The following G3BP2 variants were observed in gnomAD, a reference collection of about 807,000 sequenced individuals.
G3BP2 encodes the protein ras GTPase-activating protein-binding protein 2.
A neutral mutation model predicts 56.7 loss-of-function variants in G3BP2; 11 were observed. That is an observed-to-expected ratio of 0.19 (90% CI 0.12 to 0.32). The LOEUF (loss-of-function observed/expected upper bound fraction) is 0.32, where lower values mean the gene tolerates loss of function less well. G3BP2 is among the 10% of genes least tolerant of loss of function. G3BP2 has a pLI of 1.00. For synonymous variants in G3BP2, 165 were observed against 191.6 expected (o/e 0.86, Z 1.15); for missense variants, 340 against 610.9 (o/e 0.56, Z 4.67).
chr4:75,698,268 TGAA>T (rs1650240091), intron 3 of G3BP2, among the ~76,000 whole-genome samples: 1 of 152,032 alleles, frequency 6.6e-6, no homozygotes, highest in Admixed American at 6.6e-5. Flanking sequence ...AAGCAGCCAG[TGAA>T]GGAGATATAA....
upstream of G3BP2, among the ~76,000 whole-genome samples, chr4:75,675,509 T>C (rs1339726762): frequency 2.6e-5 from 4 of 152,052 alleles, no homozygotes; most frequent in South Asian, 2.1e-4. Context: ...ACCACTGATA[T>C]AGGCCGGGCG....
At chr4:75,712,686 A>G (rs760370807) in intron 3 of G3BP2, among the ~76,000 whole-genome samples, 1 of 152,212 alleles carries the variant, frequency 6.6e-6, no homozygotes, top group Non-Finnish European at 1.5e-5. Flanking sequence ...ATGAATAGCC[A>G]TTAACCCCAA....
intron 3 of G3BP2, among the ~76,000 whole-genome samples, chr4:75,716,754 A>G (rs1719944220): frequency 1.3e-5 from 2 of 151,940 alleles, no homozygotes; most frequent in Admixed American, 1.3e-4. Flanking sequence ...ATCTCAGGTG[A>G]TCCACCCGCC....
chr4:75,701,703 C>T (rs1431896579), intron 3 of G3BP2, among the ~76,000 whole-genome samples: 2 of 152,202 alleles, frequency 1.3e-5, no homozygotes, highest in Admixed American at 6.5e-5. Context: ...GCTGGGATTG[C>T]AGGCGTGACC....
chr4:75,672,788 G>C (rs1015063398), intron 1 of G3BP2: 2 of 156,416 alleles, frequency 1.3e-5, no homozygotes, highest in African/African-American at 4.8e-5. Context: ...AAACGATTCG[G>C]AAACAGGAAC....
chr4:75,694,461 GGGCGT>G (rs1238673088), intron 3 of G3BP2, among the ~76,000 whole-genome samples: 1 of 152,196 alleles, frequency 6.6e-6, no homozygotes, highest in Non-Finnish European at 1.5e-5. Context: ...AAAATTAGCC[GGGCGT>G]GGTGGCGGGC....
At chr4:75,719,368 G>T (rs945962015) in intron 3 of G3BP2, among the ~76,000 whole-genome samples, 1,181 of 115,098 alleles carry the variant, frequency 0.01, 24 homozygotes, top group African/African-American at 0.036. Flanking sequence ...AAAAAAAAAA[G>T]AAATTGATAA....
intron 3 of G3BP2, among the ~76,000 whole-genome samples, chr4:75,680,406 G>A (rs1295414813): frequency 6.6e-6 from 1 of 152,176 alleles, no homozygotes; most frequent in East Asian, 1.9e-4. Flanking sequence ...AGTCAGGTTA[G>A]TTCATTCCTC....
At chr4:75,711,806 G>C (rs1165592410) in intron 3 of G3BP2, among the ~76,000 whole-genome samples, 3 of 152,068 alleles carry the variant, frequency 2.0e-5, no homozygotes, top group African/African-American at 7.2e-5. Context: ...TGAAATTCAG[G>C]CTCGGGCATC....
intron 3 of G3BP2, among the ~76,000 whole-genome samples, chr4:75,697,958 A>C (rs1016870184): frequency 2.6e-5 from 4 of 151,942 alleles, no homozygotes; most frequent in Admixed American, 2.6e-4. Context: ...AAAACACAAA[A>C]AAATATGAAA....
At chr4:75,680,503 G>A (rs141194213) in intron 3 of G3BP2, among the ~76,000 whole-genome samples, 15 of 152,318 alleles carry the variant, frequency 9.8e-5, no homozygotes, top group African/African-American at 3.6e-4. Context: ...TTCTGGCAAA[G>A]TGTGTATATG....
intron 3 of G3BP2, among the ~76,000 whole-genome samples, chr4:75,710,036 C>T (rs1396366844): frequency 1.3e-5 from 2 of 152,126 alleles, no homozygotes; most frequent in African/African-American, 4.8e-5. Flanking sequence ...GAACATATGA[C>T]CACATACTAG....
Position 75,673,370 on chromosome 4 carries a change from C to A in G3BP2, c.-187G>T. ...TCGTCTGCCTCACAACCACCTCTTCCCGGGCGCCAGGCGCTGCGACGTGCG... is the reference window on the plus strand; with the variant it reads ...TCGTCTGCCTCACAACCACCTCTTCACGGGCGCCAGGCGCTGCGACGTGCG... On this transcript the variant is annotated 5_prime_UTR_variant, in exon 1 of 12. Transcript: ENST00000359707. The A allele has an allele frequency of 8.1e-7, 1 of 1,231,134 alleles. No individual in the cohort carries two copies. Among genetic ancestry groups the A allele is most frequent in the Admixed American group, 4.2e-5 (1 of 23,670 alleles). 76.3% of individuals were successfully genotyped at this position (1,231,134 alleles called of 1,614,324 possible).
At chr4:75,677,201 T>C (rs1327317331), upstream of G3BP2, among the ~76,000 whole-genome samples, 1 of 152,170 alleles carries the variant, frequency 6.6e-6, no homozygotes, top group African/African-American at 2.4e-5. Context: ...CATTTGACCA[T>C]TCTCAACTTT....
chr4:75,668,756 A>G (rs1733255261), intron 1 of G3BP2, among the ~76,000 whole-genome samples: 1 of 152,190 alleles, frequency 6.6e-6, no homozygotes, highest in African/African-American at 2.4e-5. Context: ...TTGAAACCCT[A>G]TGCATTTATC....
chr4:75,705,303 A>G (rs960820346), intron 3 of G3BP2, among the ~76,000 whole-genome samples: 1 of 152,236 alleles, frequency 6.6e-6, no homozygotes, highest in African/African-American at 2.4e-5. Flanking sequence ...CTGCGCCTAC[A>G]GGCTACCTGG....
chr4:75,665,663 A>ACG (rs1363870267), intron 1 of G3BP2, among the ~76,000 whole-genome samples: 4 of 106,058 alleles, frequency 3.8e-5, no homozygotes, highest in African/African-American at 2.3e-4. Flanking sequence ...ACAAACACAC[A>ACG]CACACACACA....
Position 75,693,044 on chromosome 4 carries a change from A to C in G3BP2, c.-25+27833T>G, listed in dbSNP as rs1009498366. Among the ~76,000 whole-genome samples the C allele has an allele frequency of 3.3e-5, 5 of 152,188 alleles. No individual in the cohort carries two copies. In the East Asian group the frequency reaches 5.8e-4, roughly 18 times the overall value. Reference sequence around the variant, plus strand: ...GGTGGATCACGAGGTCAGGAATTTGAGACCGCCTGGCAAATATGGTGAAAC... The same window carrying C: ...GGTGGATCACGAGGTCAGGAATTTGCGACCGCCTGGCAAATATGGTGAAAC... On this transcript the variant is annotated intron_variant, in intron 3 of 3. Coordinates refer to the G3BP2 transcript ENST00000499709.
In G3BP2 at chr4:75,644,675, G is replaced by GA. The variant is rs1392792000; in HGVS notation, c.*754dup. On this transcript the variant is annotated 3_prime_UTR_variant, in exon 12 of 12. Coordinates refer to ENST00000359707, the MANE Select transcript of G3BP2 (RefSeq NM_203505.3). The stretch of plus-strand genomic sequence containing the variant: ...TCCCTGTACTGAAGAGGGGCAGGTA[G>GA]AAAAATCTTAGATATGGAGCTACTA... 1 of 152,642 alleles carries GA rather than the reference G, an allele frequency of 6.6e-6. No individual in the cohort carries two copies. Among genetic ancestry groups the GA allele is most frequent in the African/African-American group, 2.4e-5 (1 of 41,448 alleles). The allele number at this position is 152,642 out of a possible 1,614,324, so 9.5% of individuals were successfully genotyped here.
Sources: gnomAD v4.1 joint callset for allele counts (sites outside exome capture counted in the v4.1 genomes callset) on GRCh38, gnomAD v4.1.1 for gene constraint, MANE v1.5 for transcripts, NCBI Gene and HGNC (gene_info 2026-07-23, HGNC 2026-07-21) for gene names.